The following HS1BP3 variants were observed in gnomAD, a reference collection of about 807,000 sequenced individuals.
HS1BP3 encodes the protein HCLS1-binding protein 3.
HS1BP3 carries 32 observed loss-of-function variants against 33.5 expected under a neutral mutation model. That is an observed-to-expected ratio of 0.95 (90% CI 0.72 to 1.28). HS1BP3 has a LOEUF of 1.28. HS1BP3 is among the 50% of genes most tolerant of loss of function. HS1BP3 has a pLI of 0.00. For missense variants in HS1BP3, 486 were observed against 502.3 expected, an observed-to-expected ratio of 0.97 and a Z score of 0.31; for synonymous variants, 187 against 209.2, an observed-to-expected ratio of 0.89 and a Z score of 0.92.
intron 2 of HS1BP3, among the ~76,000 whole-genome samples, chr2:20,644,522 C>G (rs182001251): frequency 1.3e-5 from 2 of 152,332 alleles, no homozygotes; most frequent in East Asian, 3.9e-4. Flanking sequence ...CCACATGCCC[C>G]CTAGGTCTGC....
At chr2:20,564,595 T>G (rs897775753) in intron 5 of HS1BP3, among the ~76,000 whole-genome samples, 1 of 152,216 alleles carries the variant, frequency 6.6e-6, no homozygotes, top group African/African-American at 2.4e-5. Flanking sequence ...GTGATTCTCA[T>G]GCCTTAGCCA....
chr2:20,555,887 A>T (rs1365709238), downstream of HS1BP3, among the ~76,000 whole-genome samples: 1 of 151,812 alleles, frequency 6.6e-6, no homozygotes, highest in East Asian at 1.9e-4. Context: ...CCCCTTCCCC[A>T]CTTCACCTCT....
chr2:20,579,211 T>C (rs1272333120), intron 5 of HS1BP3, among the ~76,000 whole-genome samples: 1 of 152,228 alleles, frequency 6.6e-6, no homozygotes, highest in African/African-American at 2.4e-5. Context: ...CTGGGTTCCA[T>C]GAGCACAGGA....
chr2:20,574,468 A>G (rs1693352034), intron 5 of HS1BP3, among the ~76,000 whole-genome samples: 1 of 152,096 alleles, frequency 6.6e-6, no homozygotes, highest in Non-Finnish European at 1.5e-5. Flanking sequence ...CCTTTTTCCC[A>G]CCACTGCGAA....
At chr2:20,590,980 G>C (rs1330892335), downstream of HS1BP3, 1 of 167,208 alleles carries the variant, frequency 6.0e-6, no homozygotes, top group East Asian at 1.9e-4. Context: ...CCCAATATTT[G>C]TCCATCAGGC....
chr2:20,589,556 G>T (rs531957956), downstream of HS1BP3, among the ~76,000 whole-genome samples: 6 of 152,326 alleles, frequency 3.9e-5, no homozygotes, highest in African/African-American at 1.4e-4. Flanking sequence ...ATAAGCGGCA[G>T]CTGGTCAGTG....
chr2:20,641,294 G>A (rs971953381), intron 2 of HS1BP3, 114 bp from the exon 3 acceptor site: 6 of 904,634 alleles, frequency 6.6e-6, no homozygotes, highest in Admixed American at 4.2e-5. Context: ...TGCCAGGTAC[G>A]CCCGCCTGCT....
downstream of HS1BP3, among the ~76,000 whole-genome samples, chr2:20,589,637 C>A (rs1693763782): frequency 6.6e-6 from 1 of 152,164 alleles, no homozygotes; most frequent in South Asian, 2.1e-4. Flanking sequence ...TCTGAAAACA[C>A]CAAGTTCTAG....
chr2:20,648,810 T>C (rs1466923162), intron 1 of HS1BP3, among the ~76,000 whole-genome samples: 8 of 152,186 alleles, frequency 5.3e-5, no homozygotes, highest in East Asian at 1.9e-4. Context: ...CTCACCTGTC[T>C]ACACAAATGC....
At chr2:20,558,381 C>T (rs185637782), downstream of HS1BP3, among the ~76,000 whole-genome samples, 7 of 152,284 alleles carry the variant, frequency 4.6e-5, no homozygotes, top group East Asian at 5.8e-4. Flanking sequence ...ACACCTGGTA[C>T]TTTTGTGCCT....
intron 4 of HS1BP3, among the ~76,000 whole-genome samples, chr2:20,627,419 C>G (rs368296562): frequency 1.3e-5 from 2 of 152,226 alleles, no homozygotes; most frequent in Admixed American, 1.3e-4. Flanking sequence ...GAGAGGGAAG[C>G]GAGCCATCTG....
intron 3 of HS1BP3, among the ~76,000 whole-genome samples, chr2:20,596,317 C>T (rs749288977): frequency 6.6e-6 from 1 of 152,178 alleles, no homozygotes; most frequent in Non-Finnish European, 1.5e-5. Context: ...TATTTGTGTT[C>T]CTCCAAGATT....
At chr2:20,594,369 G>A (rs1693897844) in intron 3 of HS1BP3, among the ~76,000 whole-genome samples, 3 of 152,228 alleles carry the variant, frequency 2.0e-5, no homozygotes, top group African/African-American at 7.2e-5. Context: ...TCTGAAATGA[G>A]TGGCTGATGG....
In HS1BP3 at chr2:20,618,609, C is replaced by T. The variant is rs534419334; in HGVS notation, c.*378G>A. 1.2e-4 allele frequency: 93 copies of T among 787,680 alleles called. No individual in the cohort carries two copies. The highest frequency in any genetic ancestry group is 1.0e-3 in the Admixed American group (21 of 20,126). 48.8% of individuals were successfully genotyped at this position (787,680 alleles called of 1,614,324 possible). On this transcript the variant is annotated 3_prime_UTR_variant, in exon 7 of 7. Transcript: ENST00000304031. Reference sequence around the variant, plus strand: ...CAGTTTGGGTCTGTGCTGGGGCTGGCAGAACCCGTGGGCATGAAGCTTCCC... The same window carrying T: ...CAGTTTGGGTCTGTGCTGGGGCTGGTAGAACCCGTGGGCATGAAGCTTCCC...
intron 2 of HS1BP3, among the ~76,000 whole-genome samples, chr2:20,641,758 C>A (rs1238756297): frequency 1.3e-5 from 2 of 152,208 alleles, no homozygotes; most frequent in East Asian, 3.8e-4. Context: ...CAGAAGGCAG[C>A]CTTGAGCACC....
intron 5 of HS1BP3, among the ~76,000 whole-genome samples, chr2:20,563,435 G>T (rs925899329): frequency 6.6e-6 from 1 of 152,242 alleles, no homozygotes; most frequent in Admixed American, 6.5e-5. Flanking sequence ...TGAGGGCCCA[G>T]CCTGGCCCCT....
chr2:20,614,997 G>A (rs2149287572), downstream of HS1BP3, among the ~76,000 whole-genome samples: 1 of 152,348 alleles, frequency 6.6e-6, no homozygotes. Flanking sequence ...TGGCATAGAA[G>A]TCAGTGGTCA....
chr2:20,569,901 C>T (rs527657129), intron 5 of HS1BP3, among the ~76,000 whole-genome samples: 3 of 152,372 alleles, frequency 2.0e-5, no homozygotes, highest in African/African-American at 7.2e-5. Context: ...TGCTGCTCCC[C>T]AGCCCCCAAC....
chr2:20,649,646 A>G lies in HS1BP3; in HGVS notation c.32+1386T>C, dbSNP rs180894019. On this transcript the variant is annotated intron_variant, in intron 1 of 6. Transcript: ENST00000304031. The stretch of plus-strand genomic sequence containing the variant: ...AATTCAAGCTTGAGTGCATGTGGCA[A>G]TGACATGTGGGAGGAGATCGGGCTG... 9.2e-4 allele frequency among the ~76,000 whole-genome samples: 140 copies of G among 152,346 alleles called. 2 individuals carry two copies. The East Asian group carries it at 0.022, about 24-fold the overall frequency.
Sources: gnomAD v4.1 joint callset for allele counts (sites outside exome capture counted in the v4.1 genomes callset) on GRCh38, gnomAD v4.1.1 for gene constraint, MANE v1.5 for transcripts, NCBI Gene and HGNC (gene_info 2026-07-23, HGNC 2026-07-21) for gene names.